Variants in RREB1 observed in about 807,000 individuals in gnomAD.
RREB1 encodes ras responsive element binding protein 1, also known as ras-responsive element-binding protein 1.
RREB1 carries 27 observed loss-of-function variants against 117.8 expected under a neutral mutation model. The observed-to-expected ratio is 0.23, with a 90% confidence interval of 0.17 to 0.32. The LOEUF (loss-of-function observed/expected upper bound fraction) is 0.32. Among genes scored for constraint, RREB1 ranks in the 10% least tolerant of loss-of-function variants. RREB1 has a pLI of 1.00. For synonymous variants in RREB1, 1,298 were observed against 1,026.7 expected, an observed-to-expected ratio of 1.26 and a Z score of -5.05; for missense variants, 2,577 against 2,378.2, an observed-to-expected ratio of 1.08 and a Z score of -1.74.
rs767015339 is a variant in RREB1 at position 7,226,688 on chromosome 6, A to C, written c.897+32A>C. On this transcript the variant is annotated intron_variant, in intron 9 of 12. Coordinates refer to ENST00000379938, the MANE Select transcript of RREB1 (RefSeq NM_001003699.4). ...TGATCAGCCCATGGAAGCAACCAGC[A>C]ACTGCCTTCCATGGTCCACACAGTT... 5.8e-6 allele frequency: 9 copies of C among 1,556,484 alleles called. No individual in the cohort carries two copies. In the Admixed American group the frequency reaches 1.5e-4, roughly 26 times the overall value.
chr6:7,182,289 G>A (rs1331343617), intron 4 of RREB1, among the ~76,000 whole-genome samples: 1 of 152,154 alleles, frequency 6.6e-6, no homozygotes, highest in African/African-American at 2.4e-5. Flanking sequence ...CTGTGGTGTC[G>A]ATGTTGGTGG....
chr6:7,210,748 A>G lies in RREB1; in HGVS notation c.426-56A>G, dbSNP rs560737723. On this transcript the variant is annotated intron_variant, in intron 6 of 12. Transcript: ENST00000379938. ...TGCCTAAATATAAAATATTAAAAAC[A>G]TAAATGAACTGACTTCTTTGTTAGA... 5.9e-5 allele frequency: 89 copies of G among 1,512,340 alleles called. No individual in the cohort carries two copies. The African/African-American group carries it at 9.4e-4, about 16-fold the overall frequency. 93.7% of individuals were successfully genotyped at this position (1,512,340 alleles called of 1,614,324 possible).
At chr6:7,193,338 G>A (rs1765507208) in intron 6 of RREB1, among the ~76,000 whole-genome samples, 2 of 152,152 alleles carry the variant, frequency 1.3e-5, no homozygotes, top group Non-Finnish European at 2.9e-5. Context: ...TAGATTTGCT[G>A]TTGGGTCTAG....
Position 7,230,046 on chromosome 6 carries a change from C to T in RREB1, c.1947C>T (p.Asn649=). ...RKVLYPCRFC[N]QVFAFSGVLR... is the part of the protein sequence containing the mutation. ...TGCTCTACCCCTGCCGCTTCTGCAA[C>T]CAGGTGTTTGCCTTCTCGGGGGTCT... Residue 649 remains asparagine, a synonymous_variant, in exon 10 of 13, where the codon AAC becomes AAT. Transcript: ENST00000379938. The T allele has an allele frequency of 6.2e-7, 1 of 1,610,242 alleles. No homozygotes were observed. The highest frequency in any genetic ancestry group is 8.5e-7 in the Non-Finnish European group (1 of 1,177,284).
chr6:7,178,475 G>A (rs1764620277), intron 2 of RREB1, among the ~76,000 whole-genome samples: 1 of 152,166 alleles, frequency 6.6e-6, no homozygotes, highest in South Asian at 2.1e-4. Context: ...TGTTATGGTG[G>A]GTTTTTTCTA....
chr6:7,150,598 C>T (rs1763073568), intron 1 of RREB1, among the ~76,000 whole-genome samples: 1 of 152,216 alleles, frequency 6.6e-6, no homozygotes, highest in South Asian at 2.1e-4. Context: ...CCACTAATTT[C>T]TGTTTCTTGA....
chr6:7,116,522 T>C (rs1761405813), intron 1 of RREB1, among the ~76,000 whole-genome samples: 1 of 152,242 alleles, frequency 6.6e-6, no homozygotes, highest in Non-Finnish European at 1.5e-5. Flanking sequence ...AACGATTGCA[T>C]AGTTGGTGCT....
chr6:7,135,159 C>T (rs150036321), intron 1 of RREB1, among the ~76,000 whole-genome samples: 14 of 152,266 alleles, frequency 9.2e-5, no homozygotes, highest in African/African-American at 3.1e-4. Context: ...ATGATTAAAA[C>T]AGAAAAAGAT....
chr6:7,204,207 C>T (rs896823494), intron 6 of RREB1, among the ~76,000 whole-genome samples: 1 of 152,184 alleles, frequency 6.6e-6, no homozygotes, highest in African/African-American at 2.4e-5. Flanking sequence ...ACAAGCATGA[C>T]TGAACCCATA....
chr6:7,111,291 T>A (rs1761133964), intron 1 of RREB1, among the ~76,000 whole-genome samples: 1 of 152,208 alleles, frequency 6.6e-6, no homozygotes, highest in African/African-American at 2.4e-5. Flanking sequence ...TATCTTATGC[T>A]TGCTTGCTAA....
intron 6 of RREB1, among the ~76,000 whole-genome samples, chr6:7,195,912 G>A (rs973498329): frequency 6.6e-6 from 1 of 152,228 alleles, no homozygotes; most frequent in African/African-American, 2.4e-5. Context: ...CACAGATTGG[G>A]TGGGCCCTCT....
At chr6:7,208,380 A>G (rs186621804) in intron 6 of RREB1, among the ~76,000 whole-genome samples, 1 of 152,258 alleles carries the variant, frequency 6.6e-6, no homozygotes, top group Non-Finnish European at 1.5e-5. Flanking sequence ...CATCAAATCC[A>G]TCGTCAGACC....
chr6:7,201,894 T>C (rs1435604867), intron 6 of RREB1, among the ~76,000 whole-genome samples: 1 of 152,140 alleles, frequency 6.6e-6, no homozygotes, highest in Non-Finnish European at 1.5e-5. Context: ...TGGTAGATGG[T>C]GTACTGTTCC....
chr6:7,191,272 G>A (rs940713639), intron 6 of RREB1, among the ~76,000 whole-genome samples: 18 of 151,288 alleles, frequency 1.2e-4, no homozygotes, highest in Admixed American at 1.1e-3. Flanking sequence ...ACATTATACC[G>A]TGTAAAGTGT....
At chr6:7,221,565 G>A (rs1190192497) in intron 8 of RREB1, among the ~76,000 whole-genome samples, 1 of 152,216 alleles carries the variant, frequency 6.6e-6, no homozygotes, top group Non-Finnish European at 1.5e-5. Context: ...CCACTTTCAT[G>A]TTTTATGTCT....
At chr6:7,118,230 C>T (rs950403346) in intron 1 of RREB1, among the ~76,000 whole-genome samples, 1 of 152,148 alleles carries the variant, frequency 6.6e-6, no homozygotes, top group African/African-American at 2.4e-5. Context: ...AAGCGATTCT[C>T]CCACCTCAGC....
At chr6:7,108,567 CCATCTTCCGCCCTCTCTCCCTCGA>C (rs1419071253) in intron 1 of RREB1, 1 of 152,508 alleles carries the variant, frequency 6.6e-6, no homozygotes, top group Non-Finnish European at 1.5e-5. Context: ...GCGCTGCTCT[CCATCTTCCGCCCTCTCTCCCTCGA>C]CATCCTCCCC....
chr6:7,115,358 C>A (rs370774483), intron 1 of RREB1, among the ~76,000 whole-genome samples: 2 of 149,142 alleles, frequency 1.3e-5, no homozygotes, highest in African/African-American at 5.0e-5. Context: ...CCTTCCCCCC[C>A]ACCCCCCAGC....
At chr6:7,225,441 A>C (rs9328401) in intron 8 of RREB1, among the ~76,000 whole-genome samples, 16,713 of 152,194 alleles carry the variant, frequency 0.11, 1,891 homozygotes, top group African/African-American at 0.27. Context: ...GGGGATGTTG[A>C]TAATACCATA....
Sources: gnomAD v4.1 joint callset for allele counts (sites outside exome capture counted in the v4.1 genomes callset) on GRCh38, gnomAD v4.1.1 for gene constraint, MANE v1.5 for transcripts, NCBI Gene and HGNC (gene_info 2026-07-23, HGNC 2026-07-21) for gene names.